Variants in PCDH11X observed in about 807,000 individuals in gnomAD.
PCDH11X encodes the protein protocadherin-11 X-linked.
A neutral mutation model predicts 53.3 loss-of-function variants in PCDH11X; 18 were observed. The observed-to-expected ratio is 0.34, with a 90% confidence interval of 0.23 to 0.50. The LOEUF is 0.50. Among genes scored for constraint, PCDH11X ranks in the 20% least tolerant of loss-of-function variants. PCDH11X has a pLI of 0.98. For synonymous variants in PCDH11X, 279 were observed against 393.3 expected (o/e 0.71, Z 3.44); for missense variants, 570 against 1,032.4 (o/e 0.55, Z 6.14).
chrX:92,336,640 GA>G (rs2069625643), intron 8 of PCDH11X, among the ~76,000 whole-genome samples: 1 of 111,216 alleles, frequency 9.0e-6, no homozygotes, highest in South Asian at 3.8e-4. Context: ...TGCTGTAGTG[GA>G]AACTGTATGC....
At chrX:91,963,420 T>C (rs776561525) in intron 6 of PCDH11X, among the ~76,000 whole-genome samples, 1 of 107,639 alleles carries the variant, frequency 9.3e-6, no homozygotes, top group Admixed American at 9.7e-5. Flanking sequence ...TGCTAGAGCA[T>C]AGCAAAAGTC....
At chrX:92,516,683 G>C (rs2074276015) in intron 10 of PCDH11X, among the ~76,000 whole-genome samples, 1 of 111,968 alleles carries the variant, frequency 8.9e-6, no homozygotes, top group East Asian at 2.8e-4. Flanking sequence ...GTATGCATTT[G>C]CATTATATTT....
At chrX:92,274,510 G>A (rs147854366) in intron 8 of PCDH11X, among the ~76,000 whole-genome samples, 1,568 of 110,984 alleles carry the variant, frequency 0.014, 28 homozygotes, top group African/African-American at 0.049. Context: ...GACTCTACCT[G>A]TCCAGTGAAA....
rs767931680 is a variant in PCDH11X, at chrX:92,430,294, A to G, written c.3344-38005A>G. Among the ~76,000 whole-genome samples the G allele has an allele frequency of 1.9e-3, 174 of 92,381 alleles. 7 individuals are homozygous for G. Among genetic ancestry groups the G allele is most frequent in the African/African-American group, 6.5e-3 (174 of 26,969 alleles). 80.2% of individuals were successfully genotyped at this position (92,381 alleles called of 115,157 possible). A position where few individuals can be genotyped will look rare whatever the true frequency, so the allele number is the denominator to read the frequency against. ...AAAATAACTGTTAAGAATTAATACT[A>G]TGCAATTTCCCATGGCAATTGATTA... On this transcript the variant is annotated intron_variant, in intron 9 of 10. Coordinates refer to ENST00000682573, the MANE Select transcript of PCDH11X (RefSeq NM_032968.5).
chrX:92,470,321 T>G (rs944061056), intron 10 of PCDH11X, among the ~76,000 whole-genome samples: 9 of 100,409 alleles, frequency 9.0e-5, no homozygotes, highest in Non-Finnish European at 6.1e-5. Flanking sequence ...TTACTAAATT[T>G]GTTTATCAGT....
intron 8 of PCDH11X, among the ~76,000 whole-genome samples, chrX:92,274,673 A>C (rs2068041879): frequency 9.0e-6 from 1 of 110,717 alleles, no homozygotes; most frequent in South Asian, 3.9e-4. Context: ...GTAGAATAGC[A>C]GATGGAACAC....
At chrX:91,926,735 C>T (rs1375918631) in intron 6 of PCDH11X, among the ~76,000 whole-genome samples, 9 of 110,413 alleles carry the variant, frequency 8.2e-5, no homozygotes, top group Admixed American at 5.8e-4. Flanking sequence ...TACATAGTAA[C>T]GTTGCAATAC....
chrX:92,015,171 T>C (rs1239610530), intron 6 of PCDH11X, among the ~76,000 whole-genome samples: 3 of 112,266 alleles, frequency 2.7e-5, no homozygotes, highest in Non-Finnish European at 3.8e-5. Flanking sequence ...GAAATCTTTT[T>C]TTTTAAAGAA....
chrX:91,886,697 C>T (rs1319354173), intron 6 of PCDH11X, among the ~76,000 whole-genome samples: 18 of 108,834 alleles, frequency 1.7e-4, no homozygotes, highest in South Asian at 7.9e-4. Context: ...CTTGGCCGGG[C>T]GCGGTGGCTC....
chrX:92,050,060 C>A (rs1053414244), intron 6 of PCDH11X, among the ~76,000 whole-genome samples: 2 of 111,860 alleles, frequency 1.8e-5, no homozygotes, highest in African/African-American at 3.2e-5. Context: ...CAGGCATGAG[C>A]CACCAGGCCC....
At chrX:92,441,462 G>T (rs766549783) in intron 9 of PCDH11X, among the ~76,000 whole-genome samples, 3 of 112,072 alleles carry the variant, frequency 2.7e-5, no homozygotes, top group African/African-American at 9.7e-5. Context: ...GTGCTGCCTA[G>T]GGACTTGGTG....
intron 6 of PCDH11X, among the ~76,000 whole-genome samples, chrX:91,917,245 C>A (rs1430325471): frequency 1.1e-4 from 12 of 107,515 alleles, no homozygotes; most frequent in South Asian, 8.5e-4. Flanking sequence ...CCCCTGAGAA[C>A]TGGAACAAGA....
At chrX:92,200,437 AAAAG>A (rs1221267054) in intron 6 of PCDH11X, among the ~76,000 whole-genome samples, 2 of 112,017 alleles carry the variant, frequency 1.8e-5, no homozygotes, top group African/African-American at 3.2e-5. Flanking sequence ...ATATCCAAAA[AAAAG>A]AAAGAAAAGA....
At chrX:92,002,409 A>G (rs2062525482) in intron 6 of PCDH11X, among the ~76,000 whole-genome samples, 1 of 110,315 alleles carries the variant, frequency 9.1e-6, no homozygotes, top group Non-Finnish European at 1.9e-5. Context: ...TATTAATTTT[A>G]GGATTTTTTT....
chrX:91,952,622 C>A (rs1473342168), intron 6 of PCDH11X, among the ~76,000 whole-genome samples: 1 of 111,450 alleles, frequency 9.0e-6, no homozygotes, highest in Non-Finnish European at 1.9e-5. Flanking sequence ...CTACAGAGAA[C>A]AGTTTGGAGG....
At position 92,365,688 on chromosome X, in the gene PCDH11X, C is replaced by A. The variant is rs1182803178; in HGVS notation, c.3145-22047C>A. ...TACCTAGTTTATTAAGAGTTTTTAG[C>A]ATGAAGGGATGTTGAATTTTATCAA... On this transcript the variant is annotated intron_variant, in intron 8 of 10. Coordinates refer to ENST00000682573, the MANE Select transcript of PCDH11X (RefSeq NM_032968.5). Among the ~76,000 whole-genome samples the A allele has an allele frequency of 1.4e-3, 160 of 111,760 alleles. 3 individuals carry two copies. Among genetic ancestry groups the A allele is most frequent in the Middle Eastern group, 8.4e-3 (2 of 239 alleles).
At chrX:92,417,701 G>T (rs2071847504) in intron 9 of PCDH11X, among the ~76,000 whole-genome samples, 1 of 110,341 alleles carries the variant, frequency 9.1e-6, no homozygotes, top group Non-Finnish European at 1.9e-5. Flanking sequence ...ACTGTTACAG[G>T]CTATGAATAT....
intron 6 of PCDH11X, among the ~76,000 whole-genome samples, chrX:92,068,715 T>A (rs1300067555): frequency 8.2e-5 from 9 of 109,462 alleles, no homozygotes; most frequent in Non-Finnish European, 1.5e-4. Context: ...GATTTTTGTA[T>A]TTTTAGTAGA....
At chrX:92,588,144 TG>T (rs1924604075) in intron 10 of PCDH11X, among the ~76,000 whole-genome samples, 1 of 94,125 alleles carries the variant, frequency 1.1e-5, no homozygotes, top group East Asian at 3.3e-4. Flanking sequence ...TAATTTGTGA[TG>T]GTCCCATACT....
Sources: allele counts gnomAD v4.1 joint callset (sites outside exome capture counted in the v4.1 genomes callset), GRCh38; gene constraint gnomAD v4.1.1; transcripts MANE v1.5; gene names NCBI Gene and HGNC (gene_info 2026-07-23, HGNC 2026-07-21).